CDHR3: variants seen among roughly 807,000 people sequenced by gnomAD.
The protein encoded by CDHR3 is cadherin-related family member 3.
CDHR3 carries 79 observed loss-of-function variants against 86.6 expected under a neutral mutation model. The ratio of observed to expected loss-of-function variants is 0.91; its 90% CI spans 0.76 to 1.10. The LOEUF (loss-of-function observed/expected upper bound fraction) is 1.10, where lower values mean the gene tolerates loss of function less well. Among genes scored for constraint, CDHR3 ranks in the 50% least tolerant of loss-of-function variants. The probability of loss-of-function intolerance (pLI) is 0.00; values close to 1 mark genes in which losing one functional copy is unlikely to be tolerated. For missense variants in CDHR3, 1,081 were observed against 1,077.6 expected, an observed-to-expected ratio of 1.00 and a Z score of -0.04; for synonymous variants, 421 against 402.4, an observed-to-expected ratio of 1.05 and a Z score of -0.55.
In CDHR3 at chr7:106,020,477, G is replaced by A. The variant is rs1836392075; in HGVS notation, c.1758G>A (p.Gln586=). Reference sequence around the variant, plus strand: ...ATCTGAAAGTTGGCACAAATATTCAGAATTTCAAGCTGACATGTACCGACC... The same window carrying A: ...ATCTGAAAGTTGGCACAAATATTCAAAATTTCAAGCTGACATGTACCGACC... ...PVDLKVGTNI[Q]NFKLTCTDLD... Residue 586 remains glutamine, a synonymous_variant, in exon 13 of 19, where the codon CAG becomes CAA. Coordinates refer to ENST00000317716, the MANE Select transcript of CDHR3 (RefSeq NM_152750.5). The A allele has an allele frequency of 1.7e-5, 27 of 1,613,862 alleles. No individual in the cohort carries two copies. Among genetic ancestry groups the A allele is most frequent in the Non-Finnish European group, 2.2e-5 (26 of 1,179,886 alleles).
At chr7:106,032,041 G>T (rs914236962) in intron 18 of CDHR3, among the ~76,000 whole-genome samples, 14 of 152,280 alleles carry the variant, frequency 9.2e-5, no homozygotes, top group African/African-American at 3.4e-4. Flanking sequence ...GAAAGTAACG[G>T]GTAATCCCAT....
intron 3 of CDHR3, among the ~76,000 whole-genome samples, chr7:105,983,263 T>C (rs1393673903): frequency 6.6e-6 from 1 of 152,154 alleles, no homozygotes; most frequent in Non-Finnish European, 1.5e-5. Flanking sequence ...GTAGATATTT[T>C]TTTGAACGAA....
chr7:106,013,109 G>A, intron 9 of CDHR3, 78 bp downstream of exon 9: 1 of 1,367,368 alleles, frequency 7.3e-7, no homozygotes, highest in Non-Finnish European at 9.8e-7. Context: ...CTGCCCCATA[G>A]AGAGAAATTT....
At chr7:106,021,830 T>G (rs887625567) in intron 13 of CDHR3, among the ~76,000 whole-genome samples, 1 of 152,228 alleles carries the variant, frequency 6.6e-6, no homozygotes, top group Non-Finnish European at 1.5e-5. Context: ...GAGTGTGAAT[T>G]ACACGTGTTG....
chr7:106,032,815 AG>A lies in CDHR3; in HGVS notation c.*121del, dbSNP rs1336770143. 2.8e-6 allele frequency: 3 copies of A among 1,080,580 alleles called. No individual in the cohort carries two copies. The highest frequency in any genetic ancestry group is 5.2e-5 in the East Asian group (2 of 38,244). 66.9% of individuals were successfully genotyped at this position (1,080,580 alleles called of 1,614,324 possible). A position where few individuals can be genotyped will look rare whatever the true frequency, so the allele number is the denominator to read the frequency against. ...GTGGGCTGAGGGGATTCAGACATCC[AG>A]GGTCAAACATGGGATGTTTGACAAA... On this transcript the variant is annotated 3_prime_UTR_variant, in exon 19 of 19. Transcript: ENST00000317716.
intron 1 of CDHR3, among the ~76,000 whole-genome samples, chr7:105,973,738 A>T (rs1034554961): frequency 1.3e-5 from 2 of 152,202 alleles, no homozygotes; most frequent in Non-Finnish European, 2.9e-5. Flanking sequence ...AGGCTGAGGC[A>T]GGTGGATCAC....
intron 2 of CDHR3, among the ~76,000 whole-genome samples, chr7:105,977,637 A>G (rs199693429): frequency 3.9e-5 from 6 of 152,194 alleles, no homozygotes; most frequent in Non-Finnish European, 8.8e-5. Context: ...CATCCCTCCA[A>G]GAAGATCCTA....
intron 6 of CDHR3, among the ~76,000 whole-genome samples, chr7:106,000,721 T>C (rs906067847): frequency 3.0e-4 from 46 of 151,860 alleles, no homozygotes; most frequent in African/African-American, 1.0e-3. Context: ...TCCAAAGGCA[T>C]TGGTGAAGGT....
intron 1 of CDHR3, among the ~76,000 whole-genome samples, chr7:105,972,314 G>T (rs755031883): frequency 5.3e-5 from 8 of 152,128 alleles, no homozygotes; most frequent in Non-Finnish European, 1.0e-4. Context: ...TAGTCTATTC[G>T]TTTGGGCTAG....
At chr7:106,027,780 T>C (rs1837594728) in intron 16 of CDHR3, 3 of 358,004 alleles carry the variant, frequency 8.4e-6, no homozygotes, top group Admixed American at 6.9e-5. Flanking sequence ...TTGACAGAGA[T>C]GATTTTAATA....
rs760558658 is a variant in CDHR3, at chr7:105,984,201, T to C, written c.425T>C (p.Leu142Pro). ...TTGGACACTGGTCTAGGTCTACACCTCTACATAGTAGAAAGAGCAAACCCT... is the reference window on the plus strand; with the variant it reads ...TTGGACACTGGTCTAGGTCTACACCCCTACATAGTAGAAAGAGCAAACCCT... ...FQGNLAEGLH[L>P]YIVERANPGF... The change falls in exon 4 of 19, where the codon CTC (leucine) becomes CCC (proline). Residue 142 changes from leucine to proline, a missense_variant. Coordinates refer to ENST00000317716, the MANE Select transcript of CDHR3 (RefSeq NM_152750.5). The C allele has an allele frequency of 6.2e-7, 1 of 1,605,324 alleles. No homozygotes were observed. Among genetic ancestry groups the C allele is most frequent in the South Asian group, 1.1e-5 (1 of 89,762 alleles).
At chr7:106,012,365 G>A (rs896113878) in intron 8 of CDHR3, among the ~76,000 whole-genome samples, 5 of 152,088 alleles carry the variant, frequency 3.3e-5, no homozygotes, top group African/African-American at 1.2e-4. Flanking sequence ...TGATTAGATA[G>A]ATGAAAGAAA....
intron 6 of CDHR3, among the ~76,000 whole-genome samples, chr7:105,999,399 G>C (rs898887404): frequency 6.6e-6 from 1 of 152,188 alleles, no homozygotes; most frequent in South Asian, 2.1e-4. Flanking sequence ...TGGACTAGAT[G>C]AGCCTTCAGA....
chr7:106,004,401 T>C, intron 7 of CDHR3, 97 bp from the exon 8 acceptor site: 1 of 916,114 alleles, frequency 1.1e-6, no homozygotes, highest in Admixed American at 2.6e-5. Context: ...CATAAGCTCT[T>C]CCTCATGTTC....
chr7:105,998,356 A>C (rs941946426), intron 6 of CDHR3, among the ~76,000 whole-genome samples: 4 of 152,260 alleles, frequency 2.6e-5, no homozygotes, highest in African/African-American at 7.2e-5. Context: ...TGCAATTAAC[A>C]CAACCAAAGC....
intron 8 of CDHR3, among the ~76,000 whole-genome samples, chr7:106,006,747 C>T (rs1293072058): frequency 6.6e-6 from 1 of 152,190 alleles, no homozygotes; most frequent in Non-Finnish European, 1.5e-5. Flanking sequence ...CATTGAGTGC[C>T]TGTGGCTTTT....
intron 3 of CDHR3, among the ~76,000 whole-genome samples, chr7:105,982,683 T>G (rs1468100725): frequency 2.0e-5 from 3 of 151,608 alleles, no homozygotes; most frequent in Non-Finnish European, 4.4e-5. Context: ...ATCTCCTGGC[T>G]CTTCCTCATT....
intron 1 of CDHR3, among the ~76,000 whole-genome samples, chr7:105,969,838 G>T (rs1827666975): frequency 6.6e-6 from 1 of 152,106 alleles, no homozygotes; most frequent in South Asian, 2.1e-4. Context: ...TATAAGCATT[G>T]TCACTTGGGT....
At chr7:106,032,359 G>T in intron 18 of CDHR3, 34 bp from the exon 19 acceptor site, 1 of 1,572,140 alleles carries the variant, frequency 6.4e-7, no homozygotes, top group South Asian at 1.2e-5. Context: ...GGAATTTTCT[G>T]GCTTATGTGA....
Sources: gnomAD v4.1 joint callset for allele counts (sites outside exome capture counted in the v4.1 genomes callset) on GRCh38, gnomAD v4.1.1 for gene constraint, MANE v1.5 for transcripts, NCBI Gene and HGNC (gene_info 2026-07-23, HGNC 2026-07-21) for gene names.